The following EVC variants were observed in gnomAD, a reference collection of about 807,000 sequenced individuals.
EVC encodes the protein evC complex member EVC.
EVC carries 116 observed loss-of-function variants against 118.9 expected under a neutral mutation model. That is an observed-to-expected ratio of 0.98 (90% confidence interval 0.84 to 1.14). The LOEUF (loss-of-function observed/expected upper bound fraction) is 1.14, where lower values mean the gene tolerates loss of function less well. Ranked by LOEUF, EVC falls within the 50% of genes most tolerant of loss-of-function variation. EVC has a pLI of 0.00. For synonymous variants in EVC, 619 were observed against 534.7 expected (o/e 1.16, Z -2.18); for missense variants, 1,401 against 1,246.4 (o/e 1.12, Z -1.87).
intron 12 of EVC, among the ~76,000 whole-genome samples, chr4:5,793,309 ATTAG>A (rs1297151434): frequency 6.6e-6 from 1 of 152,200 alleles, no homozygotes; most frequent in African/African-American, 2.4e-5. Flanking sequence ...TGTTGGGACA[ATTAG>A]TTATCCATTT....
At chr4:5,817,865 G>A (rs1717943796), downstream of EVC, among the ~76,000 whole-genome samples, 1 of 152,150 alleles carries the variant, frequency 6.6e-6, no homozygotes, top group South Asian at 2.1e-4. Flanking sequence ...GACCCTACTG[G>A]TGACATCTGA....
chr4:5,788,604 T>C (rs1170023665), intron 12 of EVC, among the ~76,000 whole-genome samples: 1 of 152,182 alleles, frequency 6.6e-6, no homozygotes, highest in Non-Finnish European at 1.5e-5. Context: ...AACCTTGGGG[T>C]CATCCTCGAC....
At chr4:5,727,932 ATC>A (rs1309559517) in intron 2 of EVC, among the ~76,000 whole-genome samples, 4 of 146,556 alleles carry the variant, frequency 2.7e-5, no homozygotes, top group Non-Finnish European at 6.0e-5. Context: ...ATTGATCTAT[ATC>A]TCTGTTTTGG....
At position 5,808,270 on chromosome 4, in the gene EVC, G is replaced by A. The variant is rs746848299; in HGVS notation, c.2631G>A (p.Gln877=). The change falls in exon 18 of 21, where the codon CAG becomes CAA. Residue 877 remains glutamine, a synonymous_variant. Coordinates refer to ENST00000264956, the MANE Select transcript of EVC (RefSeq NM_153717.3). ...ACCAGCAGATGCGTCTGCACGCCCAGCAGCAGCAGGCAGGAGTCATGGACC... is the reference window on the plus strand; with the variant it reads ...ACCAGCAGATGCGTCTGCACGCCCAACAGCAGCAGGCAGGAGTCATGGACC... ...PVHQQMRLHA[Q]QQQAGVMDLL... is the part of the protein sequence containing the mutation. The A allele has an allele frequency of 6.2e-7, 1 of 1,612,916 alleles. No individual in the cohort carries two copies. Among genetic ancestry groups the A allele is most frequent in the South Asian group, 1.1e-5 (1 of 91,010 alleles).
intron 11 of EVC, among the ~76,000 whole-genome samples, chr4:5,769,656 C>T (rs1733641988): frequency 6.6e-6 from 1 of 152,054 alleles, no homozygotes; most frequent in Admixed American, 6.5e-5. Flanking sequence ...AGGGGCCACA[C>T]AGCCCACCTG....
the EVC span, chr4:5,828,498 G>C: frequency 1.2e-6 from 2 of 1,614,014 alleles, no homozygotes; most frequent in Non-Finnish European, 1.7e-6. Context: ...CCTTATTCCT[G>C]ATTTTGACGC....
intron 4 of EVC, among the ~76,000 whole-genome samples, chr4:5,732,768 G>C (rs532157280): frequency 1.3e-5 from 2 of 152,206 alleles, no homozygotes; most frequent in Non-Finnish European, 2.9e-5. Context: ...CCCAACATTT[G>C]GGAGGCCAAG....
chr4:5,767,730 A>G (rs989681693), intron 11 of EVC, among the ~76,000 whole-genome samples: 7 of 152,144 alleles, frequency 4.6e-5, no homozygotes, highest in Non-Finnish European at 8.8e-5. Flanking sequence ...GCGCTTCCCA[A>G]GTGAGGCAAT....
At chr4:5,815,233 G>A (rs1345019621), downstream of EVC, among the ~76,000 whole-genome samples, 2 of 151,872 alleles carry the variant, frequency 1.3e-5, no homozygotes, top group Non-Finnish European at 2.9e-5. Flanking sequence ...CTGTGCACAG[G>A]TGGCAGAAGT....
At chr4:5,777,137 T>G (rs2152256386) in intron 11 of EVC, among the ~76,000 whole-genome samples, 1 of 152,298 alleles carries the variant, frequency 6.6e-6, no homozygotes, top group African/African-American at 2.4e-5. Flanking sequence ...AGAAATATTT[T>G]CAGGTATACA....
intron 2 of EVC, among the ~76,000 whole-genome samples, chr4:5,727,653 T>C (rs1726084594): frequency 6.6e-6 from 1 of 151,856 alleles, no homozygotes; most frequent in African/African-American, 2.4e-5. Context: ...TGCACATGCC[T>C]ATGTCCTGAA....
At chr4:5,717,701 T>C (rs1724212565) in intron 1 of EVC, among the ~76,000 whole-genome samples, 1 of 152,254 alleles carries the variant, frequency 6.6e-6, no homozygotes, top group South Asian at 2.1e-4. Context: ...CTTGCTATTC[T>C]GTCTCTAGAA....
At chr4:5,790,508 C>G (rs1204189583) in intron 12 of EVC, among the ~76,000 whole-genome samples, 1 of 152,134 alleles carries the variant, frequency 6.6e-6, no homozygotes. Context: ...TGACTCTCAC[C>G]TTAAGGATGG....
intron 17 of EVC, among the ~76,000 whole-genome samples, chr4:5,806,502 G>A (rs921939125): frequency 7.2e-5 from 11 of 152,016 alleles, no homozygotes; most frequent in East Asian, 1.9e-4. Context: ...TTCCATCCAC[G>A]TTGCTGTAAA....
At chr4:5,782,389 A>ATTTTTTTTTTTTTTT (rs71171482) in intron 11 of EVC, among the ~76,000 whole-genome samples, 1 of 78,568 alleles carries the variant, frequency 1.3e-5, no homozygotes. Context: ...GTAAGGTTCC[A>ATTTTTTTTTTTTTTT]TTTTTTTTTT....
At chr4:5,712,612 A>G (rs1197315136) in intron 1 of EVC, among the ~76,000 whole-genome samples, 3 of 152,144 alleles carry the variant, frequency 2.0e-5, no homozygotes, top group African/African-American at 7.2e-5. Flanking sequence ...GGCCCGTGGG[A>G]AGATGAGACA....
intron 15 of EVC, chr4:5,801,745 T>C (rs1375572911): frequency 3.5e-6 from 2 of 567,766 alleles, no homozygotes; most frequent in South Asian, 3.9e-5. Context: ...TTTCATTGGC[T>C]CTAGACATCC....
In EVC at chr4:5,743,937, T is replaced by C. The variant is rs1434049297; in HGVS notation, c.802-1267T>C. ...AATGGTATTAGTAATAATGAAACAA[T>C]ACTGTCTGTTATAATAGAAAGAATA... On this transcript the variant is annotated intron_variant, in intron 6 of 20. Coordinates refer to ENST00000264956, the MANE Select transcript of EVC (RefSeq NM_153717.3). This position sits in a 1 kb window ranked among gnomAD's most constrained non-coding sequence, Gnocchi z 4.7. Among the ~76,000 whole-genome samples the C allele has an allele frequency of 6.6e-6, 1 of 150,380 alleles. No homozygotes were observed. Among genetic ancestry groups the C allele is most frequent in the Non-Finnish European group, 1.5e-5 (1 of 67,366 alleles).
the EVC span, chr4:5,826,137 C>CCCA: frequency 1.2e-5 from 2 of 165,846 alleles, 1 homozygote; most frequent in Non-Finnish European, 2.6e-5. Flanking sequence ...CACACGCATA[C>CCCA]TCATACACAC....
Sources: gnomAD v4.1 joint callset for allele counts (sites outside exome capture counted in the v4.1 genomes callset) on GRCh38, gnomAD v4.1.1 for gene constraint, Gnocchi (gnomAD v3.1) non-coding constraint, MANE v1.5 for transcripts, NCBI Gene and HGNC (gene_info 2026-07-23, HGNC 2026-07-21) for gene names.